Variants in ME1 observed in about 807,000 individuals in gnomAD.
ME1 encodes NADP-dependent malic enzyme.
A neutral mutation model predicts 66.4 loss-of-function variants in ME1; 74 were observed. The ratio of observed to expected loss-of-function variants is 1.11; its 90% CI spans 0.92 to 1.35. The LOEUF is 1.35. Among genes scored for constraint, ME1 ranks in the 40% most tolerant of loss-of-function variants. The pLI is 0.00. For synonymous variants in ME1, 251 were observed against 235.6 expected (o/e 1.07, Z -0.60); for missense variants, 750 against 694.1 (o/e 1.08, Z -0.90).
intron 6 of ME1, among the ~76,000 whole-genome samples, chr6:83,257,192 A>C (rs1325556152): frequency 6.6e-6 from 1 of 151,752 alleles, no homozygotes; most frequent in Non-Finnish European, 1.5e-5. Context: ...AAAGTATAAT[A>C]ATAAAAAAAT....
At chr6:83,372,932 C>G (rs1769217965) in intron 3 of ME1, among the ~76,000 whole-genome samples, 1 of 152,134 alleles carries the variant, frequency 6.6e-6, no homozygotes, top group South Asian at 2.1e-4. Context: ...ATTCAAACAG[C>G]TGAAATAAGT....
chr6:83,345,811 G>T (rs554073745), intron 5 of ME1, among the ~76,000 whole-genome samples: 4 of 152,158 alleles, frequency 2.6e-5, no homozygotes, highest in Non-Finnish European at 4.4e-5. Flanking sequence ...TTTAAAACAA[G>T]AATATTTCAG....
At chr6:83,283,521 T>C (rs1451561552) in intron 6 of ME1, among the ~76,000 whole-genome samples, 1 of 152,036 alleles carries the variant, frequency 6.6e-6, no homozygotes, top group Non-Finnish European at 1.5e-5. Flanking sequence ...CAAACCACCA[T>C]GGCACATGTA....
chr6:83,331,379 G>A (rs777697699), intron 5 of ME1, among the ~76,000 whole-genome samples: 26 of 151,890 alleles, frequency 1.7e-4, no homozygotes, highest in Non-Finnish European at 2.8e-4. Flanking sequence ...CACGAGGTCC[G>A]GAGTTTAAGA....
At chr6:83,254,543 T>C (rs1434130828) in intron 6 of ME1, among the ~76,000 whole-genome samples, 1 of 152,170 alleles carries the variant, frequency 6.6e-6, no homozygotes, top group Admixed American at 6.6e-5. Context: ...ACAAACCTTT[T>C]ATTCTCCTGG....
chr6:83,256,214 G>C (rs1766764996), intron 6 of ME1, among the ~76,000 whole-genome samples: 1 of 152,050 alleles, frequency 6.6e-6, no homozygotes, highest in Admixed American at 6.6e-5. Flanking sequence ...CTGTTAGCAG[G>C]ATTAAATGAA....
chr6:83,413,344 C>T (rs1770087198), intron 1 of ME1, among the ~76,000 whole-genome samples: 1 of 152,276 alleles, frequency 6.6e-6, no homozygotes, highest in Admixed American at 6.5e-5. Context: ...CTCGCACATC[C>T]AGCCTAAAAT....
chr6:83,280,323 A>G (rs1360044969), intron 6 of ME1, among the ~76,000 whole-genome samples: 1 of 152,164 alleles, frequency 6.6e-6, no homozygotes, highest in East Asian at 1.9e-4. Context: ...AATGAAAGCA[A>G]TGTGACAAGG....
chr6:83,423,131 A>G (rs1231102110), intron 1 of ME1, among the ~76,000 whole-genome samples: 2 of 152,054 alleles, frequency 1.3e-5, no homozygotes, highest in Non-Finnish European at 1.5e-5. Flanking sequence ...TTACAAACAT[A>G]TATCAACTTG....
intron 3 of ME1, among the ~76,000 whole-genome samples, chr6:83,368,638 T>C (rs1255075390): frequency 6.6e-6 from 1 of 152,208 alleles, no homozygotes; most frequent in African/African-American, 2.4e-5. Flanking sequence ...CTACATGCAT[T>C]GATCTCACCA....
At chr6:83,220,634 C>T (rs1790075054) in intron 12 of ME1, among the ~76,000 whole-genome samples, 1 of 152,126 alleles carries the variant, frequency 6.6e-6, no homozygotes, top group African/African-American at 2.4e-5. Context: ...CTATATGTTA[C>T]TTTTGTTAAC....
rs959977116 is a variant in ME1, at chr6:83,289,838, A to G, written c.704+25472T>C. Among the ~76,000 whole-genome samples, 3 of 152,252 alleles carry G rather than the reference A, an allele frequency of 2.0e-5. No homozygotes were observed. The East Asian group carries it at 5.8e-4, about 29-fold the overall frequency. ...TGTTATTGGTCTATTCAGAGATTCAACTTCTTCCTGGTTTAGTCTTGGGAG... is the reference window on the plus strand; with the variant it reads ...TGTTATTGGTCTATTCAGAGATTCAGCTTCTTCCTGGTTTAGTCTTGGGAG... On this transcript the variant is annotated intron_variant, in intron 6 of 13. Transcript: ENST00000369705.
At chr6:83,373,384 T>C (rs1018307731) in intron 3 of ME1, among the ~76,000 whole-genome samples, 7 of 152,068 alleles carry the variant, frequency 4.6e-5, no homozygotes, top group Admixed American at 4.6e-4. Flanking sequence ...TACAGGTAGG[T>C]GCCAACAAGC....
intron 6 of ME1, among the ~76,000 whole-genome samples, chr6:83,278,534 T>C (rs1767232130): frequency 6.6e-6 from 1 of 152,166 alleles, no homozygotes; most frequent in South Asian, 2.1e-4. Flanking sequence ...CTAGAACTCC[T>C]GGGCTCAAGT....
intron 9 of ME1, 102 bp downstream of exon 9, chr6:83,237,615 A>T: frequency 2.4e-4 from 140 of 587,364 alleles, no homozygotes; most frequent in Non-Finnish European, 3.0e-6. Flanking sequence ...CTACTCTTTT[A>T]ATATAGTGTA....
chr6:83,230,928 C>T (rs2128524390), intron 9 of ME1, among the ~76,000 whole-genome samples: 1 of 151,834 alleles, frequency 6.6e-6, no homozygotes. Context: ...GAGACTCTGT[C>T]TCAAAAAAAT....
chr6:83,322,403 C>T (rs563165740), intron 5 of ME1, among the ~76,000 whole-genome samples: 2 of 152,120 alleles, frequency 1.3e-5, no homozygotes, highest in African/African-American at 4.8e-5. Context: ...AGCTAAGAAC[C>T]TTGATAAAAG....
chr6:83,288,125 GT>G (rs1193724431), intron 6 of ME1, among the ~76,000 whole-genome samples: 1 of 152,056 alleles, frequency 6.6e-6, no homozygotes, highest in Non-Finnish European at 1.5e-5. Context: ...TCTGATAATA[GT>G]TTCTTTTGCT....
At chr6:83,400,593 ACCAC>A (rs947983991) in intron 2 of ME1, among the ~76,000 whole-genome samples, 1 of 152,132 alleles carries the variant, frequency 6.6e-6, no homozygotes, top group Non-Finnish European at 1.5e-5. Flanking sequence ...CTTTATTGCT[ACCAC>A]CCTAGATCTA....
Sources: gnomAD v4.1 joint callset for allele counts (sites outside exome capture counted in the v4.1 genomes callset) on GRCh38, gnomAD v4.1.1 for gene constraint, MANE v1.5 for transcripts, NCBI Gene and HGNC (gene_info 2026-07-23, HGNC 2026-07-21) for gene names.